Variants in VKORC1L1 observed in about 807,000 individuals in gnomAD.
VKORC1L1 encodes the protein vitamin K epoxide reductase complex subunit 1L1, also known as vitamin K epoxide reductase complex subunit 1-like protein 1.
A neutral mutation model predicts 18.9 loss-of-function variants in VKORC1L1; 2 were observed. The observed-to-expected ratio is 0.11, with a 90% CI of 0.04 to 0.33. The LOEUF (loss-of-function observed/expected upper bound fraction) is 0.33. VKORC1L1 is among the 10% of genes least tolerant of loss of function. VKORC1L1 has a pLI of 1.00. For missense variants in VKORC1L1, 123 were observed against 224.1 expected (o/e 0.55, Z 2.88); for synonymous variants, 96 against 100.0 (o/e 0.96, Z 0.24).
intron 1 of VKORC1L1, among the ~76,000 whole-genome samples, chr7:65,907,042 A>C (rs1789417577): frequency 6.6e-6 from 1 of 152,216 alleles, no homozygotes; most frequent in South Asian, 2.1e-4. Context: ...GGGATGGAGC[A>C]AAGTAGTGCT....
chr7:65,918,325 A>G (rs1173178046), intron 1 of VKORC1L1, among the ~76,000 whole-genome samples: 1 of 152,266 alleles, frequency 6.6e-6, no homozygotes, highest in Non-Finnish European at 1.5e-5. Context: ...AGGGTTTCAC[A>G]TAAAGGACAC....
intron 2 of VKORC1L1, among the ~76,000 whole-genome samples, chr7:65,951,677 G>A (rs1007879558): frequency 2.0e-5 from 3 of 151,652 alleles, no homozygotes; most frequent in Admixed American, 6.6e-5. Flanking sequence ...CCTCAGCCCC[G>A]ACTGGTAGCT....
chr7:65,870,986 A>G (rs1264835116), upstream of VKORC1L1, among the ~76,000 whole-genome samples: 2 of 152,040 alleles, frequency 1.3e-5, no homozygotes, highest in Non-Finnish European at 2.9e-5. Flanking sequence ...AGGGCTCCCT[A>G]TGTTGCTCAG....
chr7:65,938,427 C>T (rs1342985286), intron 1 of VKORC1L1, among the ~76,000 whole-genome samples: 3 of 151,962 alleles, frequency 2.0e-5, no homozygotes, highest in Admixed American at 6.6e-5. Flanking sequence ...ATTAGAGGGC[C>T]AACATTTGGC....
At chr7:65,915,093 C>CTTTTTTTTTT (rs35662337) in intron 1 of VKORC1L1, among the ~76,000 whole-genome samples, 8 of 123,564 alleles carry the variant, frequency 6.5e-5, no homozygotes, top group Non-Finnish European at 8.7e-5. Flanking sequence ...TTTTTTTTTT[C>CTTTTTTTTTT]TTTTTTTTTT....
chr7:65,876,987 C>T (rs1788837895), intron 1 of VKORC1L1, among the ~76,000 whole-genome samples: 1 of 152,138 alleles, frequency 6.6e-6, no homozygotes, highest in Non-Finnish European at 1.5e-5. Context: ...CTGAGGTCTG[C>T]AGTGAGCCAT....
intron 1 of VKORC1L1, among the ~76,000 whole-genome samples, chr7:65,936,107 A>G (rs1205645151): frequency 7.4e-5 from 11 of 149,302 alleles, no homozygotes; most frequent in African/African-American, 1.7e-4. Context: ...TTAATTTCAG[A>G]TCTTATATTT....
At chr7:65,896,569 T>TC (rs1789216868) in intron 1 of VKORC1L1, among the ~76,000 whole-genome samples, 2 of 138,468 alleles carry the variant, frequency 1.4e-5, no homozygotes, top group Non-Finnish European at 1.6e-5. Flanking sequence ...CTTCCTTCCT[T>TC]CTTTCCCTCC....
chr7:65,910,845 A>G (rs73142166), intron 1 of VKORC1L1, among the ~76,000 whole-genome samples: 16,697 of 152,250 alleles, frequency 0.11, 1,079 homozygotes, highest in Middle Eastern at 0.2. Context: ...AGCATGTAAA[A>G]CATTTATGGA....
intron 1 of VKORC1L1, among the ~76,000 whole-genome samples, chr7:65,906,827 T>C (rs1789413891): frequency 6.6e-6 from 1 of 152,114 alleles, no homozygotes; most frequent in South Asian, 2.1e-4. Flanking sequence ...ATGAAGGACA[T>C]TTGAGATTTC....
chr7:65,936,551 T>C (rs1789944887), intron 1 of VKORC1L1, among the ~76,000 whole-genome samples: 3 of 152,236 alleles, frequency 2.0e-5, no homozygotes, highest in South Asian at 4.1e-4. Flanking sequence ...TTTGCCCTCA[T>C]GTGCGCCTCT....
chr7:65,895,791 A>T (rs1789199293), intron 1 of VKORC1L1, among the ~76,000 whole-genome samples: 1 of 151,688 alleles, frequency 6.6e-6, no homozygotes, highest in Admixed American at 6.6e-5. Flanking sequence ...TTATGTGGTC[A>T]ACAGTGGTAT....
chr7:65,952,426 G>A (rs1790226746), intron 2 of VKORC1L1, among the ~76,000 whole-genome samples: 1 of 152,162 alleles, frequency 6.6e-6, no homozygotes, highest in Non-Finnish European at 1.5e-5. Flanking sequence ...GCTAGTCCCT[G>A]CAACAAGTAA....
chr7:65,878,232 G>A lies in VKORC1L1; in HGVS notation c.194+4667G>A, dbSNP rs1188124644. 2.0e-5 allele frequency among the ~76,000 whole-genome samples: 3 copies of A among 151,438 alleles called. No homozygotes were observed. The East Asian group carries it at 5.9e-4, about 30-fold the overall frequency. On this transcript the variant is annotated intron_variant, in intron 1 of 2. Transcript: ENST00000360768. ...AGGCTGAGGTGGGTGGATCACCTGA[G>A]TTCAGGAGTTTGAGACCAGCCTGGC...
intron 1 of VKORC1L1, among the ~76,000 whole-genome samples, chr7:65,887,201 G>A (rs1179754679): frequency 1.3e-5 from 2 of 151,894 alleles, no homozygotes; most frequent in African/African-American, 4.8e-5. Context: ...GTGCCTCCTT[G>A]TTACTTTTGC....
At chr7:65,950,574 C>G (rs889925730) in intron 2 of VKORC1L1, among the ~76,000 whole-genome samples, 4 of 151,620 alleles carry the variant, frequency 2.6e-5, no homozygotes, top group African/African-American at 9.7e-5. Flanking sequence ...ATTTATCTTG[C>G]AGAAGTAGAA....
chr7:65,880,072 C>T (rs1415079634), intron 1 of VKORC1L1, among the ~76,000 whole-genome samples: 1 of 152,032 alleles, frequency 6.6e-6, no homozygotes, highest in Non-Finnish European at 1.5e-5. Flanking sequence ...CTGAGTTGGT[C>T]TCAAACTCCT....
At chr7:65,903,397 C>T (rs533836631) in intron 1 of VKORC1L1, among the ~76,000 whole-genome samples, 1 of 150,574 alleles carries the variant, frequency 6.6e-6, no homozygotes, top group African/African-American at 2.4e-5. Flanking sequence ...AAACTCCTGA[C>T]CTTGTGATCT....
chr7:65,903,600 T>C (rs1403813155), intron 1 of VKORC1L1, among the ~76,000 whole-genome samples: 1 of 152,118 alleles, frequency 6.6e-6, no homozygotes, highest in Non-Finnish European at 1.5e-5. Flanking sequence ...GGCGAAAGCC[T>C]ATCTCTACAA....
Sources: allele counts gnomAD v4.1 joint callset (sites outside exome capture counted in the v4.1 genomes callset), GRCh38; gene constraint gnomAD v4.1.1; transcripts MANE v1.5; gene names NCBI Gene and HGNC (gene_info 2026-07-23, HGNC 2026-07-21).